ZMAT4: variants seen among roughly 807,000 people sequenced by gnomAD.
ZMAT4 encodes the protein zinc finger matrin-type protein 4.
In ZMAT4, 17 loss-of-function variants were observed where a neutral mutation model predicts 28.7. The observed-to-expected ratio is 0.59, with a 90% confidence interval of 0.41 to 0.89. The LOEUF is 0.89. Among genes scored for constraint, ZMAT4 ranks in the 40% least tolerant of loss-of-function variants. The pLI, the probability that ZMAT4 is intolerant of heterozygous loss-of-function variation, is 0.00. For synonymous variants in ZMAT4, 117 were observed against 109.2 expected, an observed-to-expected ratio of 1.07 and a Z score of -0.44; for missense variants, 240 against 283.8, an observed-to-expected ratio of 0.85 and a Z score of 1.11.
At chr8:40,592,613 G>A (rs1804935437) in intron 5 of ZMAT4, among the ~76,000 whole-genome samples, 1 of 152,140 alleles carries the variant, frequency 6.6e-6, no homozygotes, top group South Asian at 2.1e-4. Flanking sequence ...GAAATCTAAA[G>A]CTAGGGAATA....
intron 2 of ZMAT4, among the ~76,000 whole-genome samples, chr8:40,787,493 G>A (rs1436301036): frequency 6.6e-6 from 1 of 152,156 alleles, no homozygotes; most frequent in Non-Finnish European, 1.5e-5. Context: ...ATTTATTCTT[G>A]TGTAAATCTT....
intron 1 of ZMAT4, among the ~76,000 whole-genome samples, chr8:40,850,129 T>G (rs1298469719): frequency 1.3e-5 from 2 of 152,200 alleles, no homozygotes; most frequent in Non-Finnish European, 2.9e-5. Flanking sequence ...GGAGGACACC[T>G]GCCCTTCCTG....
intron 3 of ZMAT4, among the ~76,000 whole-genome samples, chr8:40,763,269 T>A (rs1813011376): frequency 1.3e-5 from 2 of 152,218 alleles, no homozygotes; most frequent in African/African-American, 2.4e-5. Context: ...CGATGGGATG[T>A]TGTGGAGCTA....
intron 2 of ZMAT4, among the ~76,000 whole-genome samples, chr8:40,778,097 C>A (rs571183881): frequency 6.6e-6 from 1 of 152,256 alleles, no homozygotes; most frequent in Non-Finnish European, 1.5e-5. Context: ...ACAAAACTCG[C>A]TTTAAACAGA....
chr8:40,629,149 A>G (rs1244603137), intron 5 of ZMAT4, among the ~76,000 whole-genome samples: 1 of 151,398 alleles, frequency 6.6e-6, no homozygotes, highest in Non-Finnish European at 1.5e-5. Context: ...TATTTCCATC[A>G]GCCTCTTTTA....
chr8:40,855,512 C>T (rs1425264295), intron 1 of ZMAT4, among the ~76,000 whole-genome samples: 1 of 152,080 alleles, frequency 6.6e-6, no homozygotes, highest in Non-Finnish European at 1.5e-5. Flanking sequence ...AGCCAATGCC[C>T]CTGGATCGAA....
intron 4 of ZMAT4, among the ~76,000 whole-genome samples, chr8:40,687,112 G>C (rs762988998): frequency 1.6e-4 from 24 of 152,302 alleles, no homozygotes; most frequent in South Asian, 2.1e-4. Context: ...CAGAATAATA[G>C]AAAGTATATA....
At chr8:40,687,185 T>A (rs182971186) in intron 4 of ZMAT4, among the ~76,000 whole-genome samples, 38 of 152,270 alleles carry the variant, frequency 2.5e-4, no homozygotes, top group Middle Eastern at 6.8e-3. Context: ...GATGTGGAAT[T>A]ACTTAGCCAG....
At chr8:40,781,192 C>A (rs373766649) in intron 2 of ZMAT4, among the ~76,000 whole-genome samples, 79 of 151,838 alleles carry the variant, frequency 5.2e-4, no homozygotes, top group African/African-American at 1.8e-3. Context: ...GAAGCAAGAT[C>A]AAAATACAAA....
At chr8:40,749,571 A>T (rs1242460760) in intron 3 of ZMAT4, among the ~76,000 whole-genome samples, 2 of 152,176 alleles carry the variant, frequency 1.3e-5, no homozygotes, top group Non-Finnish European at 2.9e-5. Context: ...GGGAAAAAAG[A>T]ACAAAGTTAG....
intron 1 of ZMAT4, among the ~76,000 whole-genome samples, chr8:40,887,063 T>C (rs1026982187): frequency 6.9e-6 from 1 of 145,274 alleles, no homozygotes; most frequent in Non-Finnish European, 1.5e-5. Context: ...CCCAGCTACT[T>C]GGGAGGCTGA....
intron 1 of ZMAT4, among the ~76,000 whole-genome samples, chr8:40,880,819 A>G (rs958311616): frequency 6.6e-6 from 1 of 152,076 alleles, no homozygotes; most frequent in Non-Finnish European, 1.5e-5. Flanking sequence ...CTTTCTCTGA[A>G]CTATAGTAAA....
intron 5 of ZMAT4, among the ~76,000 whole-genome samples, chr8:40,665,192 C>A (rs1384839444): frequency 6.6e-6 from 1 of 152,014 alleles, no homozygotes; most frequent in African/African-American, 2.4e-5. Flanking sequence ...GGTGACAGAG[C>A]AAGACTGTCT....
intron 5 of ZMAT4, among the ~76,000 whole-genome samples, chr8:40,659,334 G>A (rs948091742): frequency 2.7e-4 from 41 of 152,166 alleles, no homozygotes; most frequent in Non-Finnish European, 1.2e-4. Context: ...TTTTAGGCAT[G>A]AGGGAGTGCG....
intron 3 of ZMAT4, among the ~76,000 whole-genome samples, chr8:40,751,282 T>C (rs1812442314): frequency 6.6e-6 from 1 of 152,120 alleles, no homozygotes; most frequent in Admixed American, 6.5e-5. Context: ...CTACAGGCTT[T>C]ACAGGAAGCA....
chr8:40,662,503 T>C (rs911766482), intron 5 of ZMAT4, among the ~76,000 whole-genome samples: 4 of 152,164 alleles, frequency 2.6e-5, no homozygotes, highest in African/African-American at 7.2e-5. Context: ...AATGATTTCA[T>C]TTTAGAAGCC....
intron 1 of ZMAT4, among the ~76,000 whole-genome samples, chr8:40,843,509 G>A (rs936742369): frequency 7.2e-5 from 11 of 152,190 alleles, no homozygotes; most frequent in African/African-American, 2.7e-4. Context: ...TGCTTCCCAG[G>A]AGAGTGGACA....
intron 5 of ZMAT4, among the ~76,000 whole-genome samples, chr8:40,590,388 T>A (rs1804849291): frequency 6.6e-6 from 1 of 151,684 alleles, no homozygotes; most frequent in South Asian, 2.1e-4. Flanking sequence ...TCTGCTTGTG[T>A]GGGTCCCTAG....
chr8:40,875,365 A>G (rs960923327), intron 1 of ZMAT4, among the ~76,000 whole-genome samples: 1 of 152,056 alleles, frequency 6.6e-6, no homozygotes, highest in African/African-American at 2.4e-5. Flanking sequence ...AGACAAGCGC[A>G]TGTTGAGGGG....
Sources: gnomAD v4.1 joint callset for allele counts (sites outside exome capture counted in the v4.1 genomes callset) on GRCh38, gnomAD v4.1.1 for gene constraint, MANE v1.5 for transcripts, NCBI Gene and HGNC (gene_info 2026-07-23, HGNC 2026-07-21) for gene names.